PNPLA7: variants seen among roughly 807,000 people sequenced by gnomAD.
PNPLA7 encodes the protein patatin like domain 7, lysophospholipase.
A neutral mutation model predicts 161.7 loss-of-function variants in PNPLA7; 153 were observed. That is an observed-to-expected ratio of 0.95 (90% confidence interval 0.83 to 1.08). The LOEUF is 1.08. Ranked by LOEUF, PNPLA7 falls within the 50% of genes least tolerant of loss-of-function variation. PNPLA7 has a pLI of 0.00. For synonymous variants in PNPLA7, 809 were observed against 782.1 expected (o/e 1.03, Z -0.57); for missense variants, 1,739 against 1,856.6 (o/e 0.94, Z 1.16).
intron 13 of PNPLA7, 41 bp downstream of exon 13, chr9:137,505,942 G>A (rs369036471): frequency 1.6e-5 from 25 of 1,572,658 alleles, no homozygotes; most frequent in Non-Finnish European, 2.2e-5. Context: ...CGGAGAGGGT[G>A]GGGCCCCAGG....
intron 34 of PNPLA7, 30 bp downstream of exon 34, chr9:137,460,604 C>T: frequency 1.9e-6 from 3 of 1,603,550 alleles, no homozygotes; most frequent in Non-Finnish European, 1.7e-6. Flanking sequence ...CAGCTGTGGG[C>T]ACCAGGTGGG....
At chr9:137,526,415 C>T (rs1365293829) in intron 8 of PNPLA7, among the ~76,000 whole-genome samples, 4 of 152,136 alleles carry the variant, frequency 2.6e-5, no homozygotes, top group African/African-American at 9.7e-5. Flanking sequence ...GTAGCTGGGA[C>T]TACAGGCGCC....
Position 137,467,389 on chromosome 9 carries a change from G to A in PNPLA7, c.2967C>T (p.Ala989=), listed in dbSNP as rs1185698001. 4.3e-6 allele frequency: 7 copies of A among 1,613,514 alleles called. No homozygotes were observed. The highest frequency in any genetic ancestry group is 5.9e-6 in the Non-Finnish European group (7 of 1,180,008). Residue 989 remains alanine (A), a synonymous_variant, in exon 26 of 35, where the codon GCC becomes GCT. Coordinates refer to ENST00000406427, the MANE Select transcript of PNPLA7 (RefSeq NM_001098537.3). The surrounding 1 kb of genome is among the most constrained non-coding windows in gnomAD (Gnocchi z 5.1). The stretch of plus-strand genomic sequence containing the variant: ...CCTCAGAGTACAGGGCACCCACGAA[G>A]GCCCCGATGGACGTGCCTCCCACCA... ...VDMVGGTSIG[A]FVGALYSEER...
chr9:137,548,165 G>A (rs753014032), intron 1 of PNPLA7, among the ~76,000 whole-genome samples: 7 of 152,214 alleles, frequency 4.6e-5, no homozygotes, highest in East Asian at 1.9e-4. Flanking sequence ...CCAGGTCCGC[G>A]GGAGGGAGGG....
rs1260718500 is a variant in PNPLA7 at position 137,462,714 on chromosome 9, G to A, written c.3463C>T (p.Arg1155Cys). Residue 1155 changes from arginine (R) to cysteine (C), a missense_variant, in exon 30 of 35, where the codon CGC becomes TGC. Around this residue, in one of 6 missense-constraint regions of PNPLA7, gnomAD observed 703 missense variants for 694.6 expected, o/e 1.01. Coordinates refer to ENST00000406427, the MANE Select transcript of PNPLA7 (RefSeq NM_001098537.3). ...ACTTTCGTGGCCAAGGGGTTCCAGC[G>A]TTTCCACAGCAGCCACCACCCAGAC... ...ALSGWWLLWK[R>C]WNPLATKVKV... The A allele has an allele frequency of 3.7e-6, 6 of 1,613,790 alleles. No individual in the cohort carries two copies. The highest frequency in any genetic ancestry group is 2.7e-5 in the African/African-American group (2 of 74,912).
intron 24 of PNPLA7, 110 bp from the exon 25 acceptor site, chr9:137,478,262 C>T: frequency 1.3e-6 from 1 of 782,152 alleles, no homozygotes; most frequent in African/African-American, 1.8e-5. Flanking sequence ...CCAAACTGAC[C>T]CCAAATCCTC....
intron 8 of PNPLA7, among the ~76,000 whole-genome samples, chr9:137,527,408 G>A (rs1228443412): frequency 6.6e-6 from 1 of 152,096 alleles, no homozygotes; most frequent in Admixed American, 6.5e-5. Context: ...TAGTACAGAT[G>A]TCCTTTATTC....
chr9:137,499,532 C>T lies in PNPLA7; in HGVS notation c.1757+1159G>A, dbSNP rs928263301. Among the ~76,000 whole-genome samples the T allele has an allele frequency of 6.6e-6, 1 of 152,226 alleles. No individual in the cohort carries two copies. Among genetic ancestry groups the T allele is most frequent in the East Asian group, 1.9e-4 (1 of 5,194 alleles). ...TGGGTCCAGCTCCACCCAGGGTCCC[C>T]TGCTGGTGGAGGGACCGGGACTTGG... On this transcript the variant is annotated intron_variant, in intron 16 of 34. Coordinates refer to ENST00000406427, the MANE Select transcript of PNPLA7 (RefSeq NM_001098537.3). This position sits in a 1 kb window ranked among gnomAD's most constrained non-coding sequence, Gnocchi z 5.5.
chr9:137,540,487 C>CTTT lies in PNPLA7; in HGVS notation c.747+152_747+154dup, dbSNP rs918156763. ...TGTGGCCAGAATGAAGCTCCCTCCT[C>CTTT]TTTCTTCCCTCCTTCCTGGACCAAA... On this transcript the variant is annotated intron_variant, in intron 8 of 34. Coordinates refer to ENST00000406427, the MANE Select transcript of PNPLA7 (RefSeq NM_001098537.3). The surrounding 1 kb of genome is among the most constrained non-coding windows in gnomAD (Gnocchi z 5.1). Among the ~76,000 whole-genome samples the CTTT allele has an allele frequency of 3.3e-5, 5 of 152,272 alleles. No individual in the cohort carries two copies. Among genetic ancestry groups the CTTT allele is most frequent in the African/African-American group, 1.2e-4 (5 of 41,482 alleles).
chr9:137,480,300 C>T lies in PNPLA7; in HGVS notation c.2580+12G>A, dbSNP rs781390990. Reference sequence around the variant, plus strand: ...GGCTCTCCCCAGCTCCACCGGCCCTCCCCGTGCTCACCTCGCCCACTGTGG... The same window carrying T: ...GGCTCTCCCCAGCTCCACCGGCCCTTCCCGTGCTCACCTCGCCCACTGTGG... On this transcript the variant is annotated intron_variant, in intron 23 of 34. Coordinates refer to ENST00000406427, the MANE Select transcript of PNPLA7 (RefSeq NM_001098537.3). 2 of 1,610,218 alleles carry T rather than the reference C, an allele frequency of 1.2e-6. No homozygotes were observed. Among genetic ancestry groups the T allele is most frequent in the East Asian group, 2.2e-5 (1 of 44,830 alleles).
chr9:137,479,076 T>C lies in PNPLA7; in HGVS notation c.2743A>G (p.Arg915Gly), dbSNP rs745611903. The C allele has an allele frequency of 1.6e-5, 26 of 1,592,354 alleles. No homozygotes were observed. The highest frequency in any genetic ancestry group is 2.1e-5 in the Non-Finnish European group (24 of 1,168,018). The change falls in exon 24 of 35, where the codon AGG becomes GGG. Residue 915 changes from arginine to glycine, a missense_variant. Transcript: ENST00000406427. ...CTCACCAGCTTGGGCAGGCTCCTCC[T>C]GGAGAAGACGCGGCGCGGGCAGCAG... is the stretch of plus-strand genomic sequence containing the variant. Reference protein sequence around the residue: ...HLCCPRRVFSRRSLPKLVEMY... With the variant: ...HLCCPRRVFSGRSLPKLVEMY...
Position 137,499,163 on chromosome 9 carries a change from G to A in PNPLA7, c.1758-918C>T, listed in dbSNP as rs980790246. 6.6e-6 allele frequency among the ~76,000 whole-genome samples: 1 copy of A among 150,468 alleles called. No homozygotes were observed. The highest frequency in any genetic ancestry group is 1.5e-5 in the Non-Finnish European group (1 of 67,472). ...ACACACGGAGACAGAGACACTCGCAGACACACGGACACACGGAGACACACG... is the reference window on the plus strand; with the variant it reads ...ACACACGGAGACAGAGACACTCGCAAACACACGGACACACGGAGACACACG... On this transcript the variant is annotated intron_variant, in intron 16 of 34. Transcript: ENST00000406427. This position sits in a 1 kb window ranked among gnomAD's most constrained non-coding sequence, Gnocchi z 5.5.
At chr9:137,461,759 G>C in intron 32 of PNPLA7, 139 bp from the exon 33 acceptor site, 6 of 1,202,362 alleles carry the variant, frequency 5.0e-6, no homozygotes, top group African/African-American at 1.5e-5. Flanking sequence ...GCAGGGACCG[G>C]GGAGATGCGC....
In PNPLA7 at chr9:137,543,683, G is replaced by A. The variant is rs1836337963; in HGVS notation, c.365+41C>T. On this transcript the variant is annotated intron_variant, in intron 5 of 34. Transcript: ENST00000406427. This position sits in a 1 kb window ranked among gnomAD's most constrained non-coding sequence, Gnocchi z 6.9. ...GGGTTGGGGAGGCCAGCACCATGGG[G>A]GGCACCTGGGGCAGGATGTGGTCTG... The A allele has an allele frequency of 2.5e-6, 4 of 1,611,792 alleles. No homozygotes were observed. Among genetic ancestry groups the A allele is most frequent in the East Asian group, 4.5e-5 (2 of 44,868 alleles).
At chr9:137,480,844 TGTGCTGGACGAGGAGCACG>T in intron 22 of PNPLA7, 97 bp downstream of exon 22, 1 of 1,121,990 alleles carries the variant, frequency 8.9e-7, no homozygotes, top group Non-Finnish European at 1.3e-6. Flanking sequence ...CACACCACAG[TGTGCTGGACGAGGAGCACG>T]CTGCAGTGCA....
rs113833294 is a variant in PNPLA7 at position 137,497,292 on chromosome 9, G to A, written c.1908C>T (p.Asp636=). ...RAIYRQGDKS[D]CTYIMLSGRL... ...GGCCGCTGAGCATGATGTACGTGCA[G>A]TCGGACTTGTCCCCCTGCCTGCGGA... Residue 636 remains aspartate, a synonymous_variant, in exon 18 of 35, where the codon GAC becomes GAT. Coordinates refer to ENST00000406427, the MANE Select transcript of PNPLA7 (RefSeq NM_001098537.3). 143 of 1,576,080 alleles carry A rather than the reference G, an allele frequency of 9.1e-5. No individual in the cohort carries two copies. The African/African-American group carries it at 1.8e-3, about 19-fold the overall frequency.
At chr9:137,530,876 G>A (rs1442466869) in intron 8 of PNPLA7, among the ~76,000 whole-genome samples, 1 of 152,072 alleles carries the variant, frequency 6.6e-6, no homozygotes, top group East Asian at 1.9e-4. Context: ...CCACATAAAC[G>A]AGAACCCAAA....
Position 137,460,750 on chromosome 9 carries a change from G to A in PNPLA7, c.3842-13C>T, listed in dbSNP as rs1283277601. On this transcript the variant is annotated splice_polypyrimidine_tract_variant and intron_variant, in intron 33 of 34. Coordinates refer to ENST00000406427, the MANE Select transcript of PNPLA7 (RefSeq NM_001098537.3). ...TAGTCAGATTCGTCTGGCACCGAGG[G>A]TAGGGCTGCGTCAGTCCCCTCCCAA... 1 of 1,607,714 alleles carries A rather than the reference G, an allele frequency of 6.2e-7. No individual in the cohort carries two copies. Among genetic ancestry groups the A allele is most frequent in the Non-Finnish European group, 8.5e-7 (1 of 1,176,314 alleles).
At position 137,479,231 on chromosome 9, in the gene PNPLA7, C is replaced by T. The variant is rs530432436; in HGVS notation, c.2588G>A (p.Arg863Gln). The T allele has an allele frequency of 1.9e-5, 29 of 1,536,004 alleles. No homozygotes were observed. Among genetic ancestry groups the T allele is most frequent in the South Asian group, 1.4e-4 (12 of 83,448 alleles). Residue 863 changes from arginine (R) to glutamine (Q), a missense_variant, in exon 24 of 35, where the codon CGG becomes CAG. This residue lies in a region of PNPLA7 where 703 missense variants were observed against 694.6 expected (regional missense o/e 1.01). Transcript: ENST00000406427. The stretch of plus-strand genomic sequence containing the variant: ...ACGCACAGCTGTGCTCTCCAGCATC[C>T]GCTCCAGCTGAAAGGCAGAGCCCAC... The part of the protein sequence containing the change: ...DQEPTVGELE[R>Q]MLESTAVRAQ...
Sources: gnomAD v4.1 joint callset for allele counts (sites outside exome capture counted in the v4.1 genomes callset) on GRCh38, gnomAD v4.1.1 for gene constraint, gnomAD v4.1.1 regional missense constraint, Gnocchi (gnomAD v3.1) non-coding constraint, MANE v1.5 for transcripts, NCBI Gene and HGNC (gene_info 2026-07-23, HGNC 2026-07-21) for gene names.